GATD1: variants seen among roughly 807,000 people sequenced by gnomAD.
GATD1 encodes the protein glutamine amidotransferase-like class 1 domain-containing protein 1.
A neutral mutation model predicts 25.9 loss-of-function variants in GATD1; 23 were observed. That is an observed-to-expected ratio of 0.89 (90% CI 0.64 to 1.26). GATD1 has a LOEUF of 1.26. GATD1 is among the 50% of genes most tolerant of loss of function. The pLI is 0.00. For synonymous variants in GATD1, 177 were observed against 134.6 expected (o/e 1.31, Z -2.18); for missense variants, 347 against 312.5 (o/e 1.11, Z -0.83).
In GATD1 at chr11:771,436, C is replaced by G. The variant is rs779454694; in HGVS notation, c.451-10G>C. Reference sequence around the variant, plus strand: ...GCTCACACACAGAGGGCTGCGGGAGCGGGGTGGGGGCTCCTGAGACAGGCC... The same window carrying G: ...GCTCACACACAGAGGGCTGCGGGAGGGGGGTGGGGGCTCCTGAGACAGGCC... On this transcript the variant is annotated splice_polypyrimidine_tract_variant and intron_variant, in intron 5 of 7. Coordinates refer to ENST00000319863, the MANE Select transcript of GATD1 (RefSeq NM_182612.4). 3.3e-6 allele frequency: 5 copies of G among 1,520,070 alleles called. No homozygotes were observed. In the East Asian group the frequency reaches 1.1e-4, roughly 34 times the overall value. 94.2% of individuals were successfully genotyped at this position (1,520,070 alleles called of 1,614,324 possible).
intron 3 of GATD1, 109 bp downstream of exon 3, chr11:773,899 G>A (rs1378953788): frequency 5.2e-6 from 5 of 954,926 alleles, no homozygotes; most frequent in Non-Finnish European, 7.9e-6. Flanking sequence ...TGGTCACAGG[G>A]CTTCAGGGGC....
rs755647764 is a variant in GATD1, at chr11:773,966, G to C, written c.247+42C>G. 1.9e-6 allele frequency: 3 copies of C among 1,578,160 alleles called. No individual in the cohort carries two copies. The Admixed American group carries it at 5.0e-5, about 26-fold the overall frequency. ...TATCTGGAACCCTTGACCCTCCAAG[G>C]TCCCAGGCACCCCACCCCCAAGGAG... On this transcript the variant is annotated intron_variant, in intron 3 of 7. Coordinates refer to ENST00000319863, the MANE Select transcript of GATD1 (RefSeq NM_182612.4).
At position 767,548 on chromosome 11, in the gene GATD1, G is replaced by A. The variant is rs868054036; in HGVS notation, c.*3349C>T. On this transcript the variant is annotated 3_prime_UTR_variant, in exon 8 of 8. Transcript: ENST00000319863. Reference sequence around the variant, plus strand: ...CCCACCTGCTTTGATCTTCAATGCTGGGCTCAATGTCAGATCTGGCTGACC... The same window carrying A: ...CCCACCTGCTTTGATCTTCAATGCTAGGCTCAATGTCAGATCTGGCTGACC... 9.0e-5 allele frequency: 128 copies of A among 1,421,932 alleles called. No individual in the cohort carries two copies. The Middle Eastern group carries it at 3.1e-3, about 35-fold the overall frequency. The allele number at this position is 1,421,932 out of a possible 1,614,324, so 88.1% of individuals were successfully genotyped here.
At chr11:775,527 C>T (rs1361433926) in intron 1 of GATD1, among the ~76,000 whole-genome samples, 1 of 152,230 alleles carries the variant, frequency 6.6e-6, no homozygotes. Flanking sequence ...CATCCTAGTG[C>T]TAACAGAGCC....
intron 1 of GATD1, among the ~76,000 whole-genome samples, chr11:775,650 G>A (rs1264367473): frequency 1.3e-5 from 2 of 152,216 alleles, no homozygotes; most frequent in Admixed American, 6.5e-5. Flanking sequence ...GAACGCAGAA[G>A]TGTCCTGGCC....
chr11:771,435 G>C lies in GATD1; in HGVS notation c.451-9C>G, dbSNP rs1863438311. ...AGCTCACACACAGAGGGCTGCGGGAGCGGGGTGGGGGCTCCTGAGACAGGC... is the reference window on the plus strand; with the variant it reads ...AGCTCACACACAGAGGGCTGCGGGACCGGGGTGGGGGCTCCTGAGACAGGC... On this transcript the variant is annotated splice_polypyrimidine_tract_variant and intron_variant, in intron 5 of 7. Coordinates refer to ENST00000319863, the MANE Select transcript of GATD1 (RefSeq NM_182612.4). The C allele has an allele frequency of 1.3e-6, 2 of 1,521,156 alleles. No homozygotes were observed. The highest frequency in any genetic ancestry group is 4.5e-5 in the East Asian group (2 of 44,162). The allele number at this position is 1,521,156 out of a possible 1,614,324, so 94.2% of individuals were successfully genotyped here.
intron 5 of GATD1, among the ~76,000 whole-genome samples, chr11:772,170 G>C (rs1863509568): frequency 6.6e-6 from 1 of 152,146 alleles, no homozygotes; most frequent in Admixed American, 6.5e-5. Flanking sequence ...CTAGGGGCCA[G>C]AGGTTCGGGA....
At chr11:777,098 C>T (rs966819171) in intron 1 of GATD1, 33 of 246,552 alleles carry the variant, frequency 1.3e-4, no homozygotes, top group Non-Finnish European at 2.1e-4. Flanking sequence ...CGGGCCCGGG[C>T]CGCCTCGCCG....
chr11:767,431 G>A lies in GATD1; in HGVS notation c.*3466C>T, dbSNP rs1022084022. On this transcript the variant is annotated 3_prime_UTR_variant, in exon 8 of 8. Transcript: ENST00000319863. Reference sequence around the variant, plus strand: ...GCTCTCCAAGCCAGAGGCCTCGCACGCAGCTGAGGAATGACGCAGGGGCCT... The same window carrying A: ...GCTCTCCAAGCCAGAGGCCTCGCACACAGCTGAGGAATGACGCAGGGGCCT... 9.7e-5 allele frequency: 146 copies of A among 1,506,970 alleles called. No individual in the cohort carries two copies. Among genetic ancestry groups the A allele is most frequent in the East Asian group, 6.9e-4 (28 of 40,640 alleles). The allele number at this position is 1,506,970 out of a possible 1,614,324, so 93.3% of individuals were successfully genotyped here. A position where few individuals can be genotyped will look rare whatever the true frequency, so the allele number is the denominator to read the frequency against.
chr11:770,892 C>T lies in GATD1; in HGVS notation c.*5G>A. ...TGTCTCAGGGGGTGCATCTACCCAG[C>T]AGGTTCATTTCCTGCAGGACAGACG... On this transcript the variant is annotated 3_prime_UTR_variant, in exon 8 of 8. Coordinates refer to ENST00000319863, the MANE Select transcript of GATD1 (RefSeq NM_182612.4). 1 of 1,606,236 alleles carries T rather than the reference C, an allele frequency of 6.2e-7. No individual in the cohort carries two copies. Among genetic ancestry groups the T allele is most frequent in the Non-Finnish European group, 8.5e-7 (1 of 1,175,268 alleles).
intron 5 of GATD1, among the ~76,000 whole-genome samples, chr11:771,645 CAGG>C (rs1863458500): frequency 6.6e-6 from 1 of 152,214 alleles, no homozygotes; most frequent in Non-Finnish European, 1.5e-5. Flanking sequence ...ACGGCCACTA[CAGG>C]AGGACGGGCC....
At position 770,981 on chromosome 11, in the gene GATD1, T is replaced by G. The variant is rs1052153125; in HGVS notation, c.656+12A>C. ...TGATGTGGCAGGAATGTGCCCACCC[T>G]GGTGCCCTCACCGGCTGCCACAGAG... On this transcript the variant is annotated intron_variant, in intron 7 of 7. Transcript: ENST00000319863. The G allele has an allele frequency of 1.2e-6, 2 of 1,613,234 alleles. No homozygotes were observed. Among genetic ancestry groups the G allele is most frequent in the African/African-American group, 1.3e-5 (1 of 74,938 alleles).
intron 4 of GATD1, among the ~76,000 whole-genome samples, chr11:772,935 G>A (rs1405916234): frequency 6.6e-6 from 1 of 152,230 alleles, no homozygotes; most frequent in African/African-American, 2.4e-5. Flanking sequence ...GGTAGCCTGA[G>A]GCAATGCCTG....
intron 2 of GATD1, among the ~76,000 whole-genome samples, chr11:774,860 T>C (rs1863804674): frequency 6.6e-6 from 1 of 151,092 alleles, no homozygotes; most frequent in African/African-American, 2.4e-5. Flanking sequence ...AAGGTCTCCC[T>C]CATCACAGAT....
In GATD1 at chr11:770,007, C is replaced by G. The variant is rs7940065; in HGVS notation, c.*890G>C. 9.4e-7 allele frequency: 1 copy of G among 1,058,544 alleles called. No individual in the cohort carries two copies. The highest frequency in any genetic ancestry group is 1.1e-6 in the Non-Finnish European group (1 of 878,134). 65.6% of individuals were successfully genotyped at this position (1,058,544 alleles called of 1,614,324 possible). A position where few individuals can be genotyped will look rare whatever the true frequency, so the allele number is the denominator to read the frequency against. On this transcript the variant is annotated 3_prime_UTR_variant, in exon 8 of 8. Transcript: ENST00000319863. ...TGCTTGGGAACGGCTGTGGCTGAGA[C>G]GGGGAGGTGGGCAGGAAGAAGGCCT...
chr11:774,240 C>A (rs1280737998), intron 2 of GATD1, 127 bp from the exon 3 acceptor site: 2 of 706,126 alleles, frequency 2.8e-6, no homozygotes, highest in Non-Finnish European at 4.7e-6. Context: ...CCCCGACCAC[C>A]CAGCCTCCTT....
rs1464337637 is a variant in GATD1 at position 770,460 on chromosome 11, C to G, written c.*437G>C. 6.8e-7 allele frequency: 1 copy of G among 1,464,708 alleles called. No homozygotes were observed. Among genetic ancestry groups the G allele is most frequent in the African/African-American group, 1.4e-5 (1 of 71,012 alleles). The allele number at this position is 1,464,708 out of a possible 1,614,324, so 90.7% of individuals were successfully genotyped here. ...GCCAGCTCCCGCCGGCTGGGCCCTCCCCTCAAGGCCCCCACCAACAGTGAA... is the reference window on the plus strand; with the variant it reads ...GCCAGCTCCCGCCGGCTGGGCCCTCGCCTCAAGGCCCCCACCAACAGTGAA... On this transcript the variant is annotated 3_prime_UTR_variant, in exon 8 of 8. Coordinates refer to ENST00000319863, the MANE Select transcript of GATD1 (RefSeq NM_182612.4).
chr11:773,929 A>G, intron 3 of GATD1, 79 bp downstream of exon 3: 1 of 1,329,060 alleles, frequency 7.5e-7, no homozygotes, highest in Non-Finnish European at 1.1e-6. Flanking sequence ...GAGCTCACTA[A>G]GACCCCAAAC....
At position 769,622 on chromosome 11, in the gene GATD1, T is replaced by G. The variant is rs1188740584; in HGVS notation, c.*1275A>C. 1 of 152,850 alleles carries G rather than the reference T, an allele frequency of 6.5e-6. No homozygotes were observed. The highest frequency in any genetic ancestry group is 1.4e-5 in the Non-Finnish European group (1 of 69,492). The allele number at this position is 152,850 out of a possible 1,614,324, so 9.5% of individuals were successfully genotyped here. ...CCGCGCCCAGCCAACTGAACGTTTTTTTTTTGAGATGGAGTCTCACTCTAT... is the reference window on the plus strand; with the variant it reads ...CCGCGCCCAGCCAACTGAACGTTTTGTTTTTGAGATGGAGTCTCACTCTAT... On this transcript the variant is annotated 3_prime_UTR_variant, in exon 8 of 8. Coordinates refer to ENST00000319863, the MANE Select transcript of GATD1 (RefSeq NM_182612.4).
Sources: gnomAD v4.1 joint callset for allele counts (sites outside exome capture counted in the v4.1 genomes callset) on GRCh38, gnomAD v4.1.1 for gene constraint, MANE v1.5 for transcripts, NCBI Gene and HGNC (gene_info 2026-07-23, HGNC 2026-07-21) for gene names.